ACVR2A: variants seen among roughly 807,000 people sequenced by gnomAD.
ACVR2A encodes the protein activin A receptor type 2A, also known as activin receptor type-2A.
ACVR2A carries 7 observed loss-of-function variants against 61.4 expected under a neutral mutation model. The observed-to-expected ratio is 0.11, with a 90% CI of 0.06 to 0.21. The LOEUF (loss-of-function observed/expected upper bound fraction) is 0.21. Ranked by LOEUF, ACVR2A falls within the 10% of genes least tolerant of loss-of-function variation. ACVR2A has a pLI of 1.00. For missense variants in ACVR2A, 322 were observed against 621.7 expected (o/e 0.52, Z 5.13); for synonymous variants, 193 against 208.3 (o/e 0.93, Z 0.63).
intron 1 of ACVR2A, among the ~76,000 whole-genome samples, chr2:147,878,900 C>A (rs1686224671): frequency 7.0e-6 from 1 of 142,578 alleles, no homozygotes; most frequent in Non-Finnish European, 1.5e-5. Context: ...CAGAAAGAGA[C>A]CTGTCTTTAA....
chr2:147,899,338 A>G, intron 2 of ACVR2A, 120 bp from the exon 3 acceptor site: 1 of 644,128 alleles, frequency 1.6e-6, no homozygotes, highest in Non-Finnish European at 2.4e-6. Context: ...AGATATAAAT[A>G]CGAATCTTGA....
At chr2:147,910,614 G>T (rs1044226513) in intron 4 of ACVR2A, among the ~76,000 whole-genome samples, 33 of 152,234 alleles carry the variant, frequency 2.2e-4, no homozygotes, top group African/African-American at 7.7e-4. Flanking sequence ...AGAAATATTG[G>T]AAACTGGGGA....
At position 147,882,816 on chromosome 2, in the gene ACVR2A, GAAAAA is replaced by G. The variant is rs200249868; in HGVS notation, c.56-13481_56-13477del. Among the ~76,000 whole-genome samples, 300 of 151,336 alleles carry G rather than the reference GAAAAA, an allele frequency of 2.0e-3. 1 individual carries two copies. The highest frequency in any genetic ancestry group is 1.9e-3 in the South Asian group (9 of 4,794). ...AAGTATGGGGTATTACAGACAAGAG[GAAAAA>G]AAATTTCTGGGAAGAAAGCCAGACA... On this transcript the variant is annotated intron_variant, in intron 1 of 10. Coordinates refer to ENST00000241416, the MANE Select transcript of ACVR2A (RefSeq NM_001616.5).
chr2:147,871,521 A>G (rs1686018054), intron 1 of ACVR2A, among the ~76,000 whole-genome samples: 1 of 152,110 alleles, frequency 6.6e-6, no homozygotes, highest in African/African-American at 2.4e-5. Flanking sequence ...AGGTATGTAT[A>G]AAATTATAAG....
intron 1 of ACVR2A, among the ~76,000 whole-genome samples, chr2:147,890,668 T>A (rs560796292): frequency 7.2e-5 from 11 of 152,292 alleles, no homozygotes; most frequent in Admixed American, 6.5e-4. Flanking sequence ...GGGTAGAGAT[T>A]TAAAGTTTCA....
intron 1 of ACVR2A, among the ~76,000 whole-genome samples, chr2:147,862,624 A>G (rs895044617): frequency 2.0e-5 from 3 of 151,924 alleles, no homozygotes; most frequent in African/African-American, 7.2e-5. Context: ...CACACCTGTA[A>G]TCTCAGCTAC....
chr2:147,856,384 G>A (rs1437726670), intron 1 of ACVR2A, among the ~76,000 whole-genome samples: 2 of 152,120 alleles, frequency 1.3e-5, no homozygotes, highest in Non-Finnish European at 2.9e-5. Context: ...CATTTTGGAA[G>A]CAGATAAAGC....
chr2:147,896,240 G>A, intron 1 of ACVR2A, 61 bp from the exon 2 acceptor site: 2 of 1,459,932 alleles, frequency 1.4e-6, no homozygotes, highest in South Asian at 2.5e-5. Context: ...TGCTATCTTG[G>A]GAAACAGTCT....
intron 1 of ACVR2A, among the ~76,000 whole-genome samples, chr2:147,892,803 G>A (rs1243437787): frequency 6.6e-6 from 1 of 151,428 alleles, no homozygotes; most frequent in Non-Finnish European, 1.5e-5. Context: ...AAAAGGAATA[G>A]TATTTTAATA....
chr2:147,899,887 G>A lies in ACVR2A; in HGVS notation c.517G>A (p.Val173Ile), dbSNP rs1485120488. The A allele has an allele frequency of 1.2e-6, 2 of 1,613,188 alleles. No homozygotes were observed. Among genetic ancestry groups the A allele is most frequent in the East Asian group, 2.2e-5 (1 of 44,848 alleles). Residue 173 changes from valine to isoleucine, a missense_variant, in exon 4 of 11, where the codon GTT becomes ATT. Physicochemically the swap from Val to Ile is conservative, Grantham distance 29. Around this residue, in one of 3 missense-constraint regions of ACVR2A, gnomAD observed 146 missense variants for 383.8 expected, o/e 0.38. Coordinates refer to ENST00000241416, the MANE Select transcript of ACVR2A (RefSeq NM_001616.5). Reference protein sequence around the residue: ...HHKMAYPPVLVPTQDPGPPPP... With the variant: ...HHKMAYPPVLIPTQDPGPPPP... ...CAAGATGGCCTACCCTCCTGTACTT[G>A]TTCCAACTCAAGTAAGTTATTGTCC... is the stretch of plus-strand genomic sequence containing the variant.
chr2:147,865,663 C>G (rs1454116112), intron 1 of ACVR2A, among the ~76,000 whole-genome samples: 5 of 152,138 alleles, frequency 3.3e-5, no homozygotes, highest in Non-Finnish European at 7.3e-5. Context: ...CCAGAGTTAC[C>G]TTGCTGATTC....
intron 4 of ACVR2A, among the ~76,000 whole-genome samples, chr2:147,902,061 G>A (rs1470327688): frequency 6.6e-6 from 1 of 151,758 alleles, no homozygotes; most frequent in East Asian, 1.9e-4. Context: ...AATTATATGG[G>A]AACATATAAA....
chr2:147,904,644 A>G (rs896309152), intron 4 of ACVR2A, among the ~76,000 whole-genome samples: 8 of 152,014 alleles, frequency 5.3e-5, no homozygotes, highest in Non-Finnish European at 1.2e-4. Context: ...TTTTGACCTT[A>G]GCATTAAAGT....
chr2:147,891,999 T>G (rs1573684671), intron 1 of ACVR2A, among the ~76,000 whole-genome samples: 1 of 151,882 alleles, frequency 6.6e-6, no homozygotes, highest in Non-Finnish European at 1.5e-5. Flanking sequence ...TGAGACAGAG[T>G]CTCTTTCTGT....
At chr2:147,897,215 T>G (rs1207022731) in intron 2 of ACVR2A, 1 of 151,886 alleles carries the variant, frequency 6.6e-6, no homozygotes, top group Non-Finnish European at 1.5e-5. Flanking sequence ...TCCATGTTGG[T>G]CAAGCTGGTC....
At position 147,925,871 on chromosome 2, in the gene ACVR2A, C is replaced by T. The variant is rs1332121410; in HGVS notation, c.1217-160C>T. The T allele has an allele frequency of 6.2e-6, 4 of 644,468 alleles. No individual in the cohort carries two copies. In the African/African-American group the frequency reaches 7.4e-5, roughly 12 times the overall value. The allele number at this position is 644,468 out of a possible 1,614,324, so 39.9% of individuals were successfully genotyped here. A position where few individuals can be genotyped will look rare whatever the true frequency, so the allele number is the denominator to read the frequency against. On this transcript the variant is annotated intron_variant, in intron 9 of 10. Transcript: ENST00000241416. ...TTTCCCATACATTAGTTTGGTCACA[C>T]TGTGGTATAAGTACAGTTGAGAGTC...
At chr2:147,853,116 A>C (rs1157404100) in intron 1 of ACVR2A, among the ~76,000 whole-genome samples, 1 of 152,166 alleles carries the variant, frequency 6.6e-6, no homozygotes, top group Non-Finnish European at 1.5e-5. Context: ...GTAAGGAAGT[A>C]ATGAGCCAGA....
chr2:147,881,772 T>C (rs1686308902), intron 1 of ACVR2A, among the ~76,000 whole-genome samples: 2 of 151,954 alleles, frequency 1.3e-5, no homozygotes, highest in South Asian at 4.2e-4. Flanking sequence ...TCATTAAGTT[T>C]GTGAGAGGAT....
In ACVR2A at chr2:147,915,245, T is replaced by C. The variant is rs1687222302; in HGVS notation, c.583T>C (p.Leu195=). 3 of 1,612,414 alleles carry C rather than the reference T, an allele frequency of 1.9e-6. No homozygotes were observed. The highest frequency in any genetic ancestry group is 1.7e-6 in the Non-Finnish European group (2 of 1,178,776). Residue 195 remains leucine, a synonymous_variant, in exon 5 of 11, where the codon TTA becomes CTA. Transcript: ENST00000241416. The stretch of plus-strand genomic sequence containing the variant: ...ACTAGGTTTGAAACCACTGCAGTTA[T>C]TAGAAGTGAAAGCAAGGGGAAGATT... ...PLLGLKPLQL[L]EVKARGRFGC... is the part of the protein sequence containing the mutation.
Sources: allele counts gnomAD v4.1 joint callset (sites outside exome capture counted in the v4.1 genomes callset), GRCh38; gene constraint gnomAD v4.1.1; regional missense constraint gnomAD v4.1.1; transcripts MANE v1.5; gene names NCBI Gene and HGNC (gene_info 2026-07-23, HGNC 2026-07-21).